Variants in FAR1 observed in about 807,000 individuals in gnomAD.
The protein encoded by FAR1 is fatty acyl-CoA reductase 1, also known as male sterility domain-containing protein 2.
FAR1 carries 22 observed loss-of-function variants against 61.1 expected under a neutral mutation model. The observed-to-expected ratio is 0.36, with a 90% CI of 0.26 to 0.51. The LOEUF (loss-of-function observed/expected upper bound fraction) is 0.51. Among genes scored for constraint, FAR1 ranks in the 20% least tolerant of loss-of-function variants. The pLI, the probability that FAR1 is intolerant of heterozygous loss-of-function variation, is 0.95. For missense variants in FAR1, 359 were observed against 626.9 expected, an observed-to-expected ratio of 0.57 and a Z score of 4.56; for synonymous variants, 206 against 209.7, an observed-to-expected ratio of 0.98 and a Z score of 0.15.
intron 1 of FAR1, among the ~76,000 whole-genome samples, chr11:13,693,639 T>C (rs1331892191): frequency 6.6e-6 from 1 of 152,328 alleles, no homozygotes; most frequent in African/African-American, 2.4e-5. Context: ...CTTGATGTTT[T>C]CTCCCAGGTT....
At chr11:13,691,135 G>C (rs958033753) in intron 1 of FAR1, among the ~76,000 whole-genome samples, 11 of 152,188 alleles carry the variant, frequency 7.2e-5, no homozygotes, top group African/African-American at 2.7e-4. Context: ...TTGGTTGTCT[G>C]ATGAGAGCTG....
chr11:13,711,097 GA>G (rs1848494039), intron 5 of FAR1: 1 of 484,890 alleles, frequency 2.1e-6, no homozygotes, highest in Non-Finnish European at 3.6e-6. Context: ...AATCCTAAGT[GA>G]AAATTAAAAG....
intron 4 of FAR1, among the ~76,000 whole-genome samples, chr11:13,709,477 C>T (rs986827784): frequency 1.3e-5 from 2 of 152,114 alleles, no homozygotes; most frequent in African/African-American, 4.8e-5. Flanking sequence ...TGAAAAAGAA[C>T]TTGTAAGCTA....
At chr11:13,722,959 C>T (rs1197555299) in intron 10 of FAR1, among the ~76,000 whole-genome samples, 1 of 151,780 alleles carries the variant, frequency 6.6e-6, no homozygotes, top group East Asian at 1.9e-4. Flanking sequence ...ATATATTCAG[C>T]ATACCTAGAA....
chr11:13,700,350 T>A lies in FAR1; in HGVS notation c.223T>A (p.Phe75Ile), dbSNP rs1458838625. 6.3e-7 allele frequency: 1 copy of A among 1,592,814 alleles called. No homozygotes were observed. The highest frequency in any genetic ancestry group is 8.5e-7 in the Non-Finnish European group (1 of 1,173,250). ...FDRLRDENPDFREKIIAINSE... is the reference protein window; with the variant it reads ...FDRLRDENPDIREKIIAINSE... ...CAGATTGAGAGATGAAAATCCAGAT[T>A]TTAGAGAGAAAATTATAGCAATCAA... The change falls in exon 3 of 12, where the codon TTT (phenylalanine) becomes ATT (isoleucine). Residue 75 changes from phenylalanine (F) to isoleucine (I), a missense_variant. Physicochemically the swap from Phe to Ile is conservative, Grantham distance 21 (BLOSUM62 0). Around this residue, in one of 2 missense-constraint regions of FAR1, gnomAD observed 344 missense variants for 570.3 expected, o/e 0.60. Transcript: ENST00000354817.
intron 4 of FAR1, among the ~76,000 whole-genome samples, chr11:13,709,928 C>T (rs17535061): frequency 6.6e-6 from 1 of 151,962 alleles, no homozygotes; most frequent in South Asian, 2.1e-4. Flanking sequence ...TAGGAAAAAC[C>T]ATGGACACCA....
Position 13,706,074 on chromosome 11 carries a change from CT to C in FAR1, c.366-1819del, listed in dbSNP as rs201157363. 9.1e-3 allele frequency among the ~76,000 whole-genome samples: 1,387 copies of C among 152,056 alleles called. 14 individuals are homozygous for C. Among genetic ancestry groups the C allele is most frequent in the African/African-American group, 0.023 (947 of 41,512 alleles). Reference sequence around the variant, plus strand: ...TAAGAATTTTAGAAAGTACTGAAAACTTTTTTTAAAAAATTTCCTTTGAACA... The same window carrying C: ...TAAGAATTTTAGAAAGTACTGAAAACTTTTTTAAAAAATTTCCTTTGAACA... On this transcript the variant is annotated intron_variant, in intron 3 of 11. Coordinates refer to ENST00000354817, the MANE Select transcript of FAR1 (RefSeq NM_032228.6).
intron 10 of FAR1, among the ~76,000 whole-genome samples, chr11:13,722,475 T>C (rs1019436558): frequency 6.6e-6 from 1 of 152,068 alleles, no homozygotes; most frequent in Non-Finnish European, 1.5e-5. Flanking sequence ...AATTTTTTTT[T>C]TCTTTTTCTT....
In FAR1 at chr11:13,711,825, A is replaced by G; in HGVS notation, c.768+17A>G. 6.3e-7 allele frequency: 1 copy of G among 1,586,926 alleles called. No homozygotes were observed. The highest frequency in any genetic ancestry group is 8.6e-7 in the Non-Finnish European group (1 of 1,162,646). ...TTTATTGCGGTAAGTAAACCTTTTG[A>G]TTTATTTAATATTCTATACATTTTT... On this transcript the variant is annotated intron_variant, in intron 6 of 11. Coordinates refer to ENST00000354817, the MANE Select transcript of FAR1 (RefSeq NM_032228.6).
chr11:13,722,891 A>G (rs1233559239), intron 10 of FAR1, among the ~76,000 whole-genome samples: 3 of 151,146 alleles, frequency 2.0e-5, no homozygotes, highest in African/African-American at 7.3e-5. Flanking sequence ...ATATGTATAT[A>G]TGTATACCAA....
At chr11:13,696,806 G>A (rs564459343) in intron 2 of FAR1, among the ~76,000 whole-genome samples, 1 of 152,094 alleles carries the variant, frequency 6.6e-6, no homozygotes, top group South Asian at 2.1e-4. Context: ...AGCAGTGAGT[G>A]TACACTTAAA....
In FAR1 at chr11:13,731,484, C is replaced by T. The variant is rs1048513287; in HGVS notation, c.*2710C>T. The stretch of plus-strand genomic sequence containing the variant: ...TAAACCAAAAAGTAATAAATGAATC[C>T]CTATATTTCCATTATAGTATTTATT... On this transcript the variant is annotated 3_prime_UTR_variant, in exon 12 of 12. Transcript: ENST00000354817. 6.6e-6 allele frequency: 1 copy of T among 152,256 alleles called. No homozygotes were observed. Among genetic ancestry groups the T allele is most frequent in the Non-Finnish European group, 1.5e-5 (1 of 67,964 alleles). The allele number at this position is 152,256 out of a possible 1,614,324, so 9.4% of individuals were successfully genotyped here. A position where few individuals can be genotyped will look rare whatever the true frequency, so the allele number is the denominator to read the frequency against.
chr11:13,729,337 T>C lies in FAR1; in HGVS notation c.*563T>C, dbSNP rs1265559481. 3 of 150,620 alleles carry C rather than the reference T, an allele frequency of 2.0e-5. No individual in the cohort carries two copies. The highest frequency in any genetic ancestry group is 1.5e-5 in the Non-Finnish European group (1 of 67,874). The allele number at this position is 150,620 out of a possible 1,614,324, so 9.3% of individuals were successfully genotyped here. A position where few individuals can be genotyped will look rare whatever the true frequency, so the allele number is the denominator to read the frequency against. On this transcript the variant is annotated 3_prime_UTR_variant, in exon 12 of 12. Coordinates refer to ENST00000354817, the MANE Select transcript of FAR1 (RefSeq NM_032228.6). ...AACATGAAAGAGATGTTCTCATTTT[T>C]CTTTTTCTGATTAAACGTCTGATGC...
intron 3 of FAR1, among the ~76,000 whole-genome samples, chr11:13,705,419 G>A (rs1031184118): frequency 6.6e-6 from 1 of 151,902 alleles, no homozygotes; most frequent in Non-Finnish European, 1.5e-5. Context: ...AAGGGAAAAA[G>A]GCAAGGCATA....
chr11:13,689,900 G>C (rs902700074), intron 1 of FAR1, among the ~76,000 whole-genome samples: 3 of 125,196 alleles, frequency 2.4e-5, no homozygotes, highest in Non-Finnish European at 4.9e-5. Context: ...TTTTGAGTTA[G>C]AGTCTTGCTC....
chr11:13,682,282 G>T (rs1490686948), intron 1 of FAR1, among the ~76,000 whole-genome samples: 1 of 152,192 alleles, frequency 6.6e-6, no homozygotes, highest in Non-Finnish European at 1.5e-5. Flanking sequence ...AGACTGTACT[G>T]CTTTCCCATT....
intron 1 of FAR1, among the ~76,000 whole-genome samples, chr11:13,676,733 T>C (rs999292100): frequency 6.6e-6 from 1 of 152,242 alleles, no homozygotes; most frequent in Non-Finnish European, 1.5e-5. Flanking sequence ...TAGCTGGTAA[T>C]GGGACATTTG....
intron 10 of FAR1, among the ~76,000 whole-genome samples, chr11:13,727,120 A>G (rs1380395729): frequency 6.6e-6 from 1 of 152,006 alleles, no homozygotes; most frequent in African/African-American, 2.4e-5. Flanking sequence ...TGTTGTTTTC[A>G]TAACGCATCT....
rs897509463 is a variant in FAR1, at chr11:13,721,764, A to T, written c.1162A>T (p.Met388Leu). The change falls in exon 10 of 12, where the codon ATG becomes TTG. Residue 388 changes from methionine to leucine, a missense_variant. Transcript: ENST00000354817. The surrounding 1 kb of genome is among the most constrained non-coding windows in gnomAD (Gnocchi z 4.2). ...AACAATAACTCGTCTTCACAAAGCT[A>T]TGGTGTTTCTTGAATATTTCACAAG... Reference protein sequence around the residue: ...MKTITRLHKAMVFLEYFTSNS... With the variant: ...MKTITRLHKALVFLEYFTSNS... The T allele has an allele frequency of 6.2e-7, 1 of 1,611,522 alleles. No homozygotes were observed. Among genetic ancestry groups the T allele is most frequent in the African/African-American group, 1.3e-5 (1 of 74,958 alleles).
Sources: allele counts gnomAD v4.1 joint callset (sites outside exome capture counted in the v4.1 genomes callset), GRCh38; gene constraint gnomAD v4.1.1; regional missense constraint gnomAD v4.1.1; non-coding constraint Gnocchi (gnomAD v3.1); transcripts MANE v1.5; gene names NCBI Gene and HGNC (gene_info 2026-07-23, HGNC 2026-07-21).